Variants in EYS observed in about 807,000 individuals in gnomAD.
The protein encoded by EYS is EGF-like photoreceptor maintenance factor, also known as protein eyes shut homolog.
EYS carries 250 observed loss-of-function variants against 282.1 expected under a neutral mutation model. The ratio of observed to expected loss-of-function variants is 0.89; its 90% CI spans 0.80 to 0.98. The LOEUF (loss-of-function observed/expected upper bound fraction) is 0.98. Among genes scored for constraint, EYS ranks in the 50% least tolerant of loss-of-function variants. EYS has a pLI of 0.00. For synonymous variants in EYS, 1,355 were observed against 1,282.9 expected (o/e 1.06, Z -1.20); for missense variants, 4,016 against 3,709.0 (o/e 1.08, Z -2.15).
intron 29 of EYS, among the ~76,000 whole-genome samples, chr6:64,333,109 G>T (rs187960988): frequency 1.5e-4 from 23 of 152,210 alleles, no homozygotes; most frequent in Non-Finnish European, 5.9e-5. Flanking sequence ...AGGAACTTGT[G>T]TCTATAACCA....
intron 2 of EYS, among the ~76,000 whole-genome samples, chr6:65,594,626 T>C (rs1369781645): frequency 6.6e-6 from 1 of 152,150 alleles, no homozygotes; most frequent in Non-Finnish European, 1.5e-5. Flanking sequence ...CTGTTCATTC[T>C]GATGGTAGTT....
intron 2 of EYS, among the ~76,000 whole-genome samples, chr6:65,601,866 C>G (rs1380949302): frequency 6.6e-6 from 1 of 151,866 alleles, no homozygotes; most frequent in African/African-American, 2.4e-5. Context: ...AATATCAAAA[C>G]ATATAATTAG....
At chr6:65,230,783 A>G (rs1766751739) in intron 12 of EYS, among the ~76,000 whole-genome samples, 1 of 151,704 alleles carries the variant, frequency 6.6e-6, no homozygotes, top group Non-Finnish European at 1.5e-5. Context: ...TTATATGAGT[A>G]GAAATTTTAA....
At chr6:65,656,378 G>A (rs926689465) in intron 1 of EYS, among the ~76,000 whole-genome samples, 1 of 151,878 alleles carries the variant, frequency 6.6e-6, no homozygotes, top group African/African-American at 2.4e-5. Flanking sequence ...GCACCAAACA[G>A]TTAACCAAGT....
At chr6:64,015,330 G>A (rs918211677) in intron 33 of EYS, among the ~76,000 whole-genome samples, 1 of 152,122 alleles carries the variant, frequency 6.6e-6, no homozygotes, top group Admixed American at 6.5e-5. Context: ...TGGTTTGAAT[G>A]TTTTGTACTG....
chr6:65,031,844 C>G (rs963740916), intron 13 of EYS, among the ~76,000 whole-genome samples: 1 of 144,444 alleles, frequency 6.9e-6, no homozygotes, highest in African/African-American at 2.7e-5. Flanking sequence ...AACAAACAAA[C>G]CTGAAAGTTA....
chr6:64,885,932 C>T (rs548583073), intron 19 of EYS, among the ~76,000 whole-genome samples: 2 of 151,698 alleles, frequency 1.3e-5, no homozygotes, highest in African/African-American at 4.8e-5. Flanking sequence ...ACTACTCATC[C>T]CTCAGGATAG....
At chr6:64,242,367 GC>G (rs1450572360) in intron 30 of EYS, among the ~76,000 whole-genome samples, 13 of 152,020 alleles carry the variant, frequency 8.6e-5, no homozygotes, top group Admixed American at 6.6e-4. Flanking sequence ...GATACTTTCT[GC>G]ATTTAAACCA....
intron 12 of EYS, among the ~76,000 whole-genome samples, chr6:65,290,786 C>G (rs76413083): frequency 0.01 from 1,563 of 151,388 alleles, 29 homozygotes; most frequent in African/African-American, 0.036. Context: ...GTTTATTAAA[C>G]AGCTGTTGTG....
intron 26 of EYS, among the ~76,000 whole-genome samples, chr6:64,538,495 A>G (rs1201194958): frequency 6.6e-6 from 1 of 152,132 alleles, no homozygotes; most frequent in Non-Finnish European, 1.5e-5. Context: ...TGCTTTTCAT[A>G]ATATCTATGC....
At chr6:63,752,133 A>T (rs1371297399) in intron 41 of EYS, among the ~76,000 whole-genome samples, 1 of 152,308 alleles carries the variant, frequency 6.6e-6, no homozygotes, top group Non-Finnish European at 1.5e-5. Context: ...AAATCTAGAA[A>T]ATAAAGCATA....
At chr6:65,363,447 T>C (rs1385645042) in intron 8 of EYS, among the ~76,000 whole-genome samples, 5 of 151,962 alleles carry the variant, frequency 3.3e-5, no homozygotes, top group Non-Finnish European at 7.4e-5. Context: ...ACAGTTATAT[T>C]TAATCATTTC....
At chr6:64,497,472 C>G (rs1242288321) in intron 26 of EYS, among the ~76,000 whole-genome samples, 4 of 152,044 alleles carry the variant, frequency 2.6e-5, no homozygotes, top group African/African-American at 9.7e-5. Flanking sequence ...AGCAGATGGG[C>G]ACAGTGTGAT....
intron 31 of EYS, among the ~76,000 whole-genome samples, chr6:64,165,447 C>T (rs1201089290): frequency 2.6e-5 from 4 of 151,938 alleles, no homozygotes; most frequent in Non-Finnish European, 4.4e-5. Context: ...ATTATGTATA[C>T]TAAAAATGTA....
At chr6:64,795,514 T>C (rs548366916) in intron 22 of EYS, among the ~76,000 whole-genome samples, 1 of 152,338 alleles carries the variant, frequency 6.6e-6, no homozygotes, top group Admixed American at 6.5e-5. Context: ...AGGACTGCTA[T>C]TGGGTACTTC....
At chr6:64,085,734 A>C (rs985080658) in intron 31 of EYS, among the ~76,000 whole-genome samples, 5 of 152,222 alleles carry the variant, frequency 3.3e-5, no homozygotes, top group African/African-American at 1.2e-4. Context: ...AGGTATAAAC[A>C]ATACAACTTA....
In EYS at chr6:63,761,735, T is replaced by C. The variant is rs756965140; in HGVS notation, c.8071+726A>G. 3.9e-5 allele frequency among the ~76,000 whole-genome samples: 6 copies of C among 152,074 alleles called. No homozygotes were observed. The East Asian group carries it at 1.2e-3, about 30-fold the overall frequency. On this transcript the variant is annotated intron_variant, in intron 41 of 42. Coordinates refer to ENST00000503581, the MANE Select transcript of EYS (RefSeq NM_001142800.2). Reference sequence around the variant, plus strand: ...TGGGTGAGGCAGGATAGAGAAATAGTAGATAGTCCAGTCTCAGGAAGCTAG... The same window carrying C: ...TGGGTGAGGCAGGATAGAGAAATAGCAGATAGTCCAGTCTCAGGAAGCTAG...
At chr6:65,319,188 G>A (rs1190530058) in intron 11 of EYS, among the ~76,000 whole-genome samples, 1 of 97,986 alleles carries the variant, frequency 1.0e-5, no homozygotes, top group Non-Finnish European at 1.9e-5. Context: ...GCAAAACCCC[G>A]TCTCTACTAA....
intron 15 of EYS, among the ~76,000 whole-genome samples, chr6:64,917,469 T>C (rs1768202096): frequency 6.6e-6 from 1 of 152,130 alleles, no homozygotes. Flanking sequence ...GTATATGCAG[T>C]TTAAAAGAAT....
Sources: allele counts gnomAD v4.1 joint callset (sites outside exome capture counted in the v4.1 genomes callset), GRCh38; gene constraint gnomAD v4.1.1; transcripts MANE v1.5; gene names NCBI Gene and HGNC (gene_info 2026-07-23, HGNC 2026-07-21).